PRPH2: variants seen among roughly 807,000 people sequenced by gnomAD.
PRPH2 encodes the protein peripherin 2.
In PRPH2, 17 loss-of-function variants were observed where a neutral mutation model predicts 31.3. The observed-to-expected ratio is 0.54, with a 90% CI of 0.37 to 0.81. The LOEUF is 0.81. Among genes scored for constraint, PRPH2 ranks in the 40% least tolerant of loss-of-function variants. The pLI is 0.00. For missense variants in PRPH2, 430 were observed against 439.7 expected (o/e 0.98, Z 0.20); for synonymous variants, 165 against 184.4 (o/e 0.89, Z 0.85).
intron 2 of PRPH2, among the ~76,000 whole-genome samples, chr6:42,701,682 ATTT>A (rs70990127): frequency 5.3e-4 from 42 of 78,520 alleles, no homozygotes; most frequent in African/African-American, 2.0e-3. Flanking sequence ...ACGTCCAGCA[ATTT>A]TTTTTTTTTT....
At chr6:42,712,773 C>G (rs990805704) in intron 1 of PRPH2, among the ~76,000 whole-genome samples, 2 of 151,998 alleles carry the variant, frequency 1.3e-5, no homozygotes, top group Non-Finnish European at 2.9e-5. Context: ...CCACCTCAGC[C>G]TCCAAGTAGC....
rs960152679 is a variant in PRPH2, at chr6:42,721,787, C to A, written c.548G>T (p.Arg183Leu). The change falls in exon 1 of 3, where the codon CGC becomes CTC. Residue 183 changes from arginine to leucine, a missense_variant. By Grantham distance (102) the Arg-to-Leu change is moderately radical. Transcript: ENST00000230381. ...DWFEIQWISN[R>L]YLDFSSKEVK... is the part of the protein sequence containing the mutation. ...TTCTTTGGAGGAAAAGTCCAGGTAG[C>A]GATTGCTGATCCACTGAATCTCAAA... 6.2e-7 allele frequency: 1 copy of A among 1,614,178 alleles called. No homozygotes were observed. Among genetic ancestry groups the A allele is most frequent in the African/African-American group, 1.3e-5 (1 of 75,054 alleles).
intron 1 of PRPH2, among the ~76,000 whole-genome samples, chr6:42,707,677 CT>C: frequency 6.6e-6 from 1 of 152,322 alleles, no homozygotes; most frequent in Non-Finnish European, 1.5e-5. Context: ...TCAAGGGCCA[CT>C]GGTGGTTCCA....
Position 42,698,159 on chromosome 6 carries a change from C to T in PRPH2, c.*136G>A. ...TTTTAGGGACCCTAAACTTAAATTC[C>T]ACCGTCAGGGAGAGTCTCTGTAAGA... On this transcript the variant is annotated 3_prime_UTR_variant, in exon 3 of 3. Coordinates refer to ENST00000230381, the MANE Select transcript of PRPH2 (RefSeq NM_000322.5). 1.6e-6 allele frequency: 2 copies of T among 1,227,744 alleles called. No individual in the cohort carries two copies. Among genetic ancestry groups the T allele is most frequent in the African/African-American group, 1.5e-5 (1 of 66,412 alleles). 76.1% of individuals were successfully genotyped at this position (1,227,744 alleles called of 1,614,324 possible).
chr6:42,714,028 C>T (rs969511694), intron 1 of PRPH2, among the ~76,000 whole-genome samples: 6 of 151,028 alleles, frequency 4.0e-5, no homozygotes, highest in African/African-American at 1.5e-4. Flanking sequence ...AGGTTTCTGT[C>T]ACTCAGTGAG....
At chr6:42,702,555 A>AT (rs995524503) in intron 2 of PRPH2, among the ~76,000 whole-genome samples, 21 of 151,402 alleles carry the variant, frequency 1.4e-4, no homozygotes, top group African/African-American at 5.1e-4. Context: ...TGCCTGGCAT[A>AT]TGGGTACATG....
At chr6:42,703,105 A>T (rs1800076989) in intron 2 of PRPH2, among the ~76,000 whole-genome samples, 1 of 151,916 alleles carries the variant, frequency 6.6e-6, no homozygotes, top group South Asian at 2.1e-4. Context: ...TGAGGTGGGA[A>T]GAGCCCTGAG....
rs1265234802 is a variant in PRPH2, at chr6:42,704,572, G to A, written c.621C>T (p.Asp207=). The change falls in exon 2 of 3, where the codon GAC becomes GAT. Residue 207 remains aspartate (D), a synonymous_variant. Coordinates refer to ENST00000230381, the MANE Select transcript of PRPH2 (RefSeq NM_000322.5). ...KSNVDGRYLV[D]GVPFSCCNPS... is the part of the protein sequence containing the mutation. ...GATTGCAGCAGCTGAAAGGGACGCC[G>A]TCCACCAGGTACCGCCCATCCACGT... The A allele has an allele frequency of 5.0e-6, 8 of 1,614,052 alleles. No homozygotes were observed. The highest frequency in any genetic ancestry group is 1.7e-5 in the Admixed American group (1 of 59,996).
At position 42,713,572 on chromosome 6, in the gene PRPH2, A is replaced by G. The variant is rs566058566; in HGVS notation, c.581+8182T>C. On this transcript the variant is annotated intron_variant, in intron 1 of 2. Coordinates refer to ENST00000230381, the MANE Select transcript of PRPH2 (RefSeq NM_000322.5). ...ATCCATCCATGTTTTCCAACCCTGC[A>G]TCATCTCTGCCCACCCCTTTCCCTG... Among the ~76,000 whole-genome samples the G allele has an allele frequency of 3.9e-5, 6 of 152,238 alleles. No homozygotes were observed. In the South Asian group the frequency reaches 8.3e-4, roughly 21 times the overall value.
chr6:42,716,612 GTTTTT>G (rs145765747), intron 1 of PRPH2, among the ~76,000 whole-genome samples: 1 of 111,570 alleles, frequency 9.0e-6, no homozygotes, highest in African/African-American at 3.4e-5. Flanking sequence ...GGTTTGGTTG[GTTTTT>G]TTTTTTTTTT....
intron 1 of PRPH2, among the ~76,000 whole-genome samples, chr6:42,719,398 A>G (rs1437428584): frequency 6.6e-6 from 1 of 150,990 alleles, no homozygotes; most frequent in Non-Finnish European, 1.5e-5. Flanking sequence ...CTGGTTTCGA[A>G]CTCCTGACCT....
rs1195770104 is a variant in PRPH2 at position 42,697,599 on chromosome 6, G to C, written c.*696C>G. The C allele has an allele frequency of 2.6e-5, 4 of 152,376 alleles. No individual in the cohort carries two copies. The highest frequency in any genetic ancestry group is 4.8e-5 in the African/African-American group (2 of 41,452). The allele number at this position is 152,376 out of a possible 1,614,324, so 9.4% of individuals were successfully genotyped here. A position where few individuals can be genotyped will look rare whatever the true frequency, so the allele number is the denominator to read the frequency against. The stretch of plus-strand genomic sequence containing the variant: ...ACCCGTGGTTCACTCCAGACTCAGT[G>C]ACCGAGGGCATGTGAATGGGACACA... On this transcript the variant is annotated 3_prime_UTR_variant, in exon 3 of 3. Transcript: ENST00000230381.
At chr6:42,715,862 G>A (rs1214198504) in intron 1 of PRPH2, among the ~76,000 whole-genome samples, 3 of 152,098 alleles carry the variant, frequency 2.0e-5, no homozygotes, top group Non-Finnish European at 4.4e-5. Context: ...CTATCCTCAG[G>A]TTTCTGGGGG....
At position 42,704,439 on chromosome 6, in the gene PRPH2, C is replaced by T. The variant is rs1203189231; in HGVS notation, c.754G>A (p.Ala252Thr). ...CTGCTGTAGTAGCTCAGCAGGGCAG[C>T]CCTGCAGCCACGCACCCACAGGTTG... Reference protein sequence around the residue: ...ELNLWVRGCRAALLSYYSSLM... With the variant: ...ELNLWVRGCRTALLSYYSSLM... Residue 252 changes from alanine (A) to threonine (T), a missense_variant, in exon 2 of 3, where the codon GCT becomes ACT. Physicochemically the swap from Ala to Thr is moderately conservative, Grantham distance 58 (BLOSUM62 0). Transcript: ENST00000230381. 1 of 1,612,106 alleles carries T rather than the reference C, an allele frequency of 6.2e-7. No homozygotes were observed. The highest frequency in any genetic ancestry group is 8.5e-7 in the Non-Finnish European group (1 of 1,179,194).
At position 42,698,433 on chromosome 6, in the gene PRPH2, G is replaced by C. The variant is rs754337687; in HGVS notation, c.903C>G (p.Ser301Arg). The change falls in exon 3 of 3, where the codon AGC becomes AGG. Residue 301 changes from serine (S) to arginine (R), a missense_variant. Transcript: ENST00000230381. ...TCTCCAGCAGCCAGCCCTGGCTCTC[G>C]CTCTCAGATTCCTCGGGGTTGGACA... is the stretch of plus-strand genomic sequence containing the variant. ...DGVSNPEESE[S>R]ESQGWLLERS... is the part of the protein sequence containing the mutation. 6.2e-7 allele frequency: 1 copy of C among 1,614,120 alleles called. No homozygotes were observed. The highest frequency in any genetic ancestry group is 1.1e-5 in the South Asian group (1 of 91,082).
chr6:42,716,612 GTTTTTTTTTTTTT>G, intron 1 of PRPH2, among the ~76,000 whole-genome samples: 1 of 111,574 alleles, frequency 9.0e-6, no homozygotes, highest in East Asian at 2.7e-4. Flanking sequence ...GGTTTGGTTG[GTTTTTTTTTTTTT>G]TTTTTTTTTT....
In PRPH2 at chr6:42,706,447, A is replaced by G. The variant is rs191012339; in HGVS notation, c.582-1836T>C. Among the ~76,000 whole-genome samples the G allele has an allele frequency of 2.0e-5, 3 of 151,192 alleles. No homozygotes were observed. The East Asian group carries it at 5.8e-4, about 29-fold the overall frequency. ...AAAATAAAAAAATAAAAATAAAAAT[A>G]CAAAAAAATTAGCCAGGCGTTGTGG... On this transcript the variant is annotated intron_variant, in intron 1 of 2. Transcript: ENST00000230381.
At chr6:42,719,484 T>C (rs1449465889) in intron 1 of PRPH2, among the ~76,000 whole-genome samples, 1 of 151,988 alleles carries the variant, frequency 6.6e-6, no homozygotes, top group Non-Finnish European at 1.5e-5. Flanking sequence ...TCAGTGGACT[T>C]CTTATGCAAC....
In PRPH2 at chr6:42,698,384, C is replaced by T; in HGVS notation, c.952G>A (p.Ala318Thr). ...LERSVPETWK[A>T]FLESVKKLGK... ...AGCTTCTTCACACTCTCCAGAAAGG[C>T]CTTCCAGGTCTCCGGCACGCTCCTC... Residue 318 changes from alanine to threonine, a missense_variant, in exon 3 of 3, where the codon GCC becomes ACC. Transcript: ENST00000230381. 1 of 1,613,926 alleles carries T rather than the reference C, an allele frequency of 6.2e-7. No homozygotes were observed. Among genetic ancestry groups the T allele is most frequent in the Non-Finnish European group, 8.5e-7 (1 of 1,179,812 alleles).
Sources: gnomAD v4.1 joint callset for allele counts (sites outside exome capture counted in the v4.1 genomes callset) on GRCh38, gnomAD v4.1.1 for gene constraint, MANE v1.5 for transcripts, NCBI Gene and HGNC (gene_info 2026-07-23, HGNC 2026-07-21) for gene names.